NR2F1-AS1: variants seen among roughly 807,000 people sequenced by gnomAD.
The protein encoded by NR2F1-AS1 is NR2F1 antisense RNA 1.
intron 1 of NR2F1-AS1, among the ~76,000 whole-genome samples, chr5:93,575,650 G>C (rs1319437675): frequency 6.6e-6 from 1 of 152,024 alleles, no homozygotes; most frequent in Non-Finnish European, 1.5e-5. Context: ...CTGTCACTGT[G>C]ACTTCCAGTT....
intron 4 of NR2F1-AS1, among the ~76,000 whole-genome samples, chr5:93,512,663 A>G (rs1276093562): frequency 6.6e-6 from 1 of 152,172 alleles, no homozygotes; most frequent in East Asian, 1.9e-4. Flanking sequence ...TAAGTGCCCT[A>G]TATAGGTGTA....
In NR2F1-AS1 at chr5:93,455,843, GCACACA is replaced by G. The variant is rs148016646; in HGVS notation, n.639-60307_639-60302del. Among the ~76,000 whole-genome samples, 483 of 145,884 alleles carry G rather than the reference GCACACA, an allele frequency of 3.3e-3. 1 individual carries two copies. The highest frequency in any genetic ancestry group is 0.011 in the African/African-American group (449 of 40,378). Reference sequence around the variant, plus strand: ...TTTACCATGTTAACTACACACACACGCACACACACACACACACACACACCTGAAAAG... The same window carrying G: ...TTTACCATGTTAACTACACACACACGCACACACACACACACACCTGAAAAG... On this transcript the variant is annotated intron_variant and non_coding_transcript_variant, in intron 4 of 5. Transcript: ENST00000660523.
chr5:93,551,398 C>A (rs1752225567), intron 4 of NR2F1-AS1, among the ~76,000 whole-genome samples: 1 of 151,982 alleles, frequency 6.6e-6, no homozygotes. Flanking sequence ...GAACATTTAA[C>A]CTCTAATTAA....
intron 1 of NR2F1-AS1, among the ~76,000 whole-genome samples, chr5:93,574,282 G>A (rs994103883): frequency 2.0e-5 from 3 of 152,226 alleles, no homozygotes; most frequent in African/African-American, 7.2e-5. Flanking sequence ...TCAGCTTCAA[G>A]GTTAGTTGTC....
chr5:93,559,958 A>AT (rs1752449265), intron 2 of NR2F1-AS1, among the ~76,000 whole-genome samples: 2 of 152,180 alleles, frequency 1.3e-5, no homozygotes, highest in South Asian at 4.1e-4. Context: ...ACCAATAGAC[A>AT]TACTCTATAC....
chr5:93,551,982 T>C (rs1350816325), intron 4 of NR2F1-AS1, among the ~76,000 whole-genome samples: 1 of 152,194 alleles, frequency 6.6e-6, no homozygotes, highest in African/African-American at 2.4e-5. Flanking sequence ...ATTCACGTTA[T>C]CACCATTATC....
intron 4 of NR2F1-AS1, among the ~76,000 whole-genome samples, chr5:93,425,717 C>T (rs1749181407): frequency 6.6e-6 from 1 of 152,148 alleles, no homozygotes. Flanking sequence ...TTCCCTGACA[C>T]CTTCCCTCAA....
intron 4 of NR2F1-AS1, among the ~76,000 whole-genome samples, chr5:93,498,437 A>G (rs1241170282): frequency 6.6e-6 from 1 of 152,126 alleles, no homozygotes; most frequent in Non-Finnish European, 1.5e-5. Context: ...TACTTTTACA[A>G]AATTCTTACT....
chr5:93,491,255 CGTG>C (rs1175340685), intron 4 of NR2F1-AS1, among the ~76,000 whole-genome samples: 10 of 101,066 alleles, frequency 9.9e-5, no homozygotes, highest in Non-Finnish European at 4.3e-5. Context: ...TAGTGGTGGT[CGTG>C]GTGGTGGTGG....
intron 4 of NR2F1-AS1, among the ~76,000 whole-genome samples, chr5:93,547,316 G>T (rs1002459754): frequency 2.6e-5 from 4 of 152,160 alleles, no homozygotes; most frequent in Admixed American, 2.6e-4. Context: ...ACATGTCGCT[G>T]TAGACCATTA....
At chr5:93,425,204 C>T (rs1332143366) in intron 4 of NR2F1-AS1, among the ~76,000 whole-genome samples, 1 of 152,206 alleles carries the variant, frequency 6.6e-6, no homozygotes, top group Non-Finnish European at 1.5e-5. Flanking sequence ...CCCCTGGACA[C>T]TCCCATGTGT....
At position 93,443,856 on chromosome 5, in the gene NR2F1-AS1, C is replaced by A. The variant is rs189816255; in HGVS notation, n.639-48314G>T. Reference sequence around the variant, plus strand: ...ATCAGACTAACAGCAGATCTCTTGGCAGAAACTCTACAAGCCAGAAGAGAG... The same window carrying A: ...ATCAGACTAACAGCAGATCTCTTGGAAGAAACTCTACAAGCCAGAAGAGAG... On this transcript the variant is annotated intron_variant and non_coding_transcript_variant, in intron 4 of 5. Coordinates refer to ENST00000660523, the Ensembl canonical transcript of NR2F1-AS1. Among the ~76,000 whole-genome samples the A allele has an allele frequency of 9.9e-4, 151 of 152,308 alleles. 1 individual carries two copies. Among genetic ancestry groups the A allele is most frequent in the African/African-American group, 2.9e-3 (122 of 41,558 alleles).
chr5:93,436,545 A>C (rs1749435864), intron 4 of NR2F1-AS1, among the ~76,000 whole-genome samples: 1 of 152,160 alleles, frequency 6.6e-6, no homozygotes, highest in African/African-American at 2.4e-5. Context: ...CAGACATTCA[A>C]AAGTATATTA....
chr5:93,487,291 G>A (rs1750745002), intron 4 of NR2F1-AS1, among the ~76,000 whole-genome samples: 1 of 152,156 alleles, frequency 6.6e-6, no homozygotes, highest in Non-Finnish European at 1.5e-5. Context: ...CAAACAGGAA[G>A]AGAGAAAATC....
chr5:93,419,288 A>T (rs1749036531), intron 4 of NR2F1-AS1, among the ~76,000 whole-genome samples: 1 of 152,276 alleles, frequency 6.6e-6, no homozygotes, highest in African/African-American at 2.4e-5. Context: ...CACTGTGTAT[A>T]TACAGAAATA....
At chr5:93,518,344 AT>A (rs1751438089) in intron 4 of NR2F1-AS1, among the ~76,000 whole-genome samples, 1 of 152,128 alleles carries the variant, frequency 6.6e-6, no homozygotes, top group Non-Finnish European at 1.5e-5. Context: ...TGGTCTTACA[AT>A]TGGTAGTGTA....
intron 4 of NR2F1-AS1, among the ~76,000 whole-genome samples, chr5:93,428,467 T>C (rs1215714007): frequency 6.6e-6 from 1 of 152,240 alleles, no homozygotes; most frequent in Non-Finnish European, 1.5e-5. Context: ...CAATTAAAAC[T>C]ATTTTCACTT....
intron 4 of NR2F1-AS1, among the ~76,000 whole-genome samples, chr5:93,456,732 G>A (rs562479799): frequency 3.8e-4 from 58 of 151,886 alleles, no homozygotes; most frequent in Non-Finnish European, 7.6e-4. Context: ...GACCCACGCC[G>A]GCACCGGTCT....
chr5:93,507,153 T>C (rs1005859395), intron 4 of NR2F1-AS1, among the ~76,000 whole-genome samples: 1 of 152,184 alleles, frequency 6.6e-6, no homozygotes, highest in Non-Finnish European at 1.5e-5. Flanking sequence ...CCATATATTA[T>C]ATTAAGAAAC....
Sources: allele counts gnomAD v4.1 joint callset (sites outside exome capture counted in the v4.1 genomes callset), GRCh38; gene constraint gnomAD v4.1.1; transcripts MANE v1.5; gene names NCBI Gene and HGNC (gene_info 2026-07-23, HGNC 2026-07-21).